Variants in CDH12 observed in about 807,000 individuals in gnomAD.
CDH12 encodes cadherin-12.
CDH12 carries 41 observed loss-of-function variants against 74.1 expected under a neutral mutation model. The observed-to-expected ratio is 0.55, with a 90% CI of 0.43 to 0.72. The LOEUF (loss-of-function observed/expected upper bound fraction) is 0.72, where lower values mean the gene tolerates loss of function less well. Among genes scored for constraint, CDH12 ranks in the 30% least tolerant of loss-of-function variants. CDH12 has a pLI of 0.00. For synonymous variants in CDH12, 399 were observed against 355.0 expected (o/e 1.12, Z -1.39); for missense variants, 945 against 977.2 (o/e 0.97, Z 0.44).
At chr5:22,510,476 A>G (rs1463971885) in intron 1 of CDH12, among the ~76,000 whole-genome samples, 2 of 152,232 alleles carry the variant, frequency 1.3e-5, no homozygotes, top group African/African-American at 4.8e-5. Context: ...AGACTTTTAA[A>G]TAAGTGGAAT....
intron 4 of CDH12, among the ~76,000 whole-genome samples, chr5:22,184,120 T>C (rs547329491): frequency 6.6e-6 from 1 of 152,268 alleles, no homozygotes; most frequent in Non-Finnish European, 1.5e-5. Context: ...ATGAAATGTT[T>C]CTTAACTCGG....
chr5:22,282,870 C>G (rs996625521), intron 3 of CDH12, among the ~76,000 whole-genome samples: 7 of 151,994 alleles, frequency 4.6e-5, no homozygotes, highest in African/African-American at 1.4e-4. Context: ...GCCACTTGAC[C>G]CAGCAATCCC....
chr5:22,382,582 C>T (rs776899789), intron 3 of CDH12, among the ~76,000 whole-genome samples: 13 of 151,916 alleles, frequency 8.6e-5, no homozygotes, highest in Non-Finnish European at 1.8e-4. Context: ...AATGATGTCT[C>T]CTCTACGAAT....
At chr5:22,803,319 A>T (rs1273822409) in intron 1 of CDH12, among the ~76,000 whole-genome samples, 2 of 152,216 alleles carry the variant, frequency 1.3e-5, no homozygotes, top group African/African-American at 4.8e-5. Flanking sequence ...AAAAATATGC[A>T]TCATGAATTC....
intron 3 of CDH12, among the ~76,000 whole-genome samples, chr5:22,280,944 C>T (rs576676919): frequency 1.3e-5 from 2 of 152,272 alleles, no homozygotes; most frequent in Admixed American, 6.5e-5. Context: ...AGACCAATAT[C>T]CCTGTGGAAT....
intron 3 of CDH12, among the ~76,000 whole-genome samples, chr5:22,250,103 G>A (rs1180639085): frequency 3.3e-5 from 5 of 152,078 alleles, no homozygotes; most frequent in Non-Finnish European, 7.3e-5. Flanking sequence ...GAAAAGCATG[G>A]TGTCTATGAG....
intron 1 of CDH12, among the ~76,000 whole-genome samples, chr5:22,633,217 TAA>T (rs1309402683): frequency 6.6e-6 from 1 of 152,146 alleles, no homozygotes; most frequent in Non-Finnish European, 1.5e-5. Flanking sequence ...AATTTTAAAT[TAA>T]AAGTCACTGA....
intron 6 of CDH12, among the ~76,000 whole-genome samples, chr5:21,912,496 G>C (rs950016223): frequency 5.3e-5 from 8 of 152,072 alleles, no homozygotes; most frequent in African/African-American, 1.9e-4. Flanking sequence ...ACTTAGAAAG[G>C]CTGTCAGCCA....
chr5:22,588,968 C>T (rs1413731532), intron 1 of CDH12, among the ~76,000 whole-genome samples: 2 of 152,116 alleles, frequency 1.3e-5, no homozygotes, highest in Admixed American at 6.6e-5. Context: ...AAATAGTTCA[C>T]CTGATATAAC....
At chr5:22,306,303 A>G (rs899060790) in intron 3 of CDH12, among the ~76,000 whole-genome samples, 5 of 152,150 alleles carry the variant, frequency 3.3e-5, no homozygotes, top group Middle Eastern at 3.2e-3. Context: ...ACACAGAGAC[A>G]CAGAGAATAT....
At chr5:21,987,635 T>G (rs1477696044) in intron 5 of CDH12, among the ~76,000 whole-genome samples, 1 of 152,202 alleles carries the variant, frequency 6.6e-6, no homozygotes, top group Non-Finnish European at 1.5e-5. Flanking sequence ...TTCCTGTATT[T>G]ATTTCTGACT....
At chr5:22,562,110 G>A (rs1045539671) in intron 1 of CDH12, among the ~76,000 whole-genome samples, 2 of 152,162 alleles carry the variant, frequency 1.3e-5, no homozygotes, top group African/African-American at 4.8e-5. Context: ...GAGGTCAGGA[G>A]ATCGAGACCA....
intron 3 of CDH12, among the ~76,000 whole-genome samples, chr5:22,345,006 T>C (rs1015691421): frequency 7.2e-5 from 11 of 152,220 alleles, no homozygotes; most frequent in African/African-American, 2.7e-4. Context: ...GTAATTGGCA[T>C]ACATTTCAAA....
At chr5:22,025,322 G>C (rs995018327) in intron 5 of CDH12, among the ~76,000 whole-genome samples, 1 of 152,020 alleles carries the variant, frequency 6.6e-6, no homozygotes, top group South Asian at 2.1e-4. Flanking sequence ...GTGTAATAAA[G>C]GAAATATTGC....
intron 1 of CDH12, among the ~76,000 whole-genome samples, chr5:22,571,703 G>C: frequency 6.6e-6 from 1 of 152,076 alleles, no homozygotes; most frequent in East Asian, 1.9e-4. Context: ...ATTACTGTAG[G>C]GTTATTAACT....
intron 2 of CDH12, among the ~76,000 whole-genome samples, chr5:22,462,949 T>C (rs1745579508): frequency 6.6e-6 from 1 of 152,096 alleles, no homozygotes; most frequent in African/African-American, 2.4e-5. Flanking sequence ...TCATTAAAGA[T>C]TCCAAGAGAA....
chr5:22,308,353 C>G (rs1269989647), intron 3 of CDH12, among the ~76,000 whole-genome samples: 1 of 152,126 alleles, frequency 6.6e-6, no homozygotes, highest in African/African-American at 2.4e-5. Flanking sequence ...GATCATTAAT[C>G]TGTCATTATC....
At chr5:22,359,294 A>G (rs1358333186) in intron 3 of CDH12, among the ~76,000 whole-genome samples, 1 of 152,204 alleles carries the variant, frequency 6.6e-6, no homozygotes, top group East Asian at 1.9e-4. Flanking sequence ...TCTCTGAAAA[A>G]ACAGATTTTA....
At chr5:22,465,596 C>T (rs112358907) in intron 2 of CDH12, among the ~76,000 whole-genome samples, 2 of 152,084 alleles carry the variant, frequency 1.3e-5, no homozygotes, top group African/African-American at 2.4e-5. Context: ...CAGTGAGCCA[C>T]GATCATGCCA....
Sources: allele counts gnomAD v4.1 joint callset (sites outside exome capture counted in the v4.1 genomes callset), GRCh38; gene constraint gnomAD v4.1.1; transcripts MANE v1.5; gene names NCBI Gene and HGNC (gene_info 2026-07-23, HGNC 2026-07-21).